Variants in CDH12 observed in about 807,000 individuals in gnomAD.
CDH12 encodes the protein cadherin-12.
A neutral mutation model predicts 74.1 loss-of-function variants in CDH12; 41 were observed. The observed-to-expected ratio is 0.55, with a 90% confidence interval of 0.43 to 0.72. The LOEUF is 0.72. Among genes scored for constraint, CDH12 ranks in the 30% least tolerant of loss-of-function variants. The probability of loss-of-function intolerance (pLI) is 0.00; values close to 1 mark genes in which losing one functional copy is unlikely to be tolerated. For missense variants in CDH12, 945 were observed against 977.2 expected (o/e 0.97, Z 0.44); for synonymous variants, 399 against 355.0 (o/e 1.12, Z -1.39).
chr5:22,226,107 C>A (rs1024526824), intron 3 of CDH12, among the ~76,000 whole-genome samples: 15 of 151,510 alleles, frequency 9.9e-5, no homozygotes, highest in African/African-American at 3.4e-4. Context: ...TGTAGAAGTT[C>A]AAGAGTTTTC....
At chr5:22,063,545 T>G (rs1210559699) in intron 5 of CDH12, among the ~76,000 whole-genome samples, 1 of 152,130 alleles carries the variant, frequency 6.6e-6, no homozygotes, top group East Asian at 1.9e-4. Context: ...TGAGTCTTAA[T>G]AGTAAACCAG....
chr5:21,883,343 T>G lies in CDH12; in HGVS notation c.527-28553A>C, dbSNP rs1430879832. On this transcript the variant is annotated intron_variant, in intron 6 of 14. Transcript: ENST00000382254. Reference sequence around the variant, plus strand: ...ATGTTCTGTTGAGTGAAAAGAAAATTTCTAGTGTCCAGTCCATTGTACCTG... The same window carrying G: ...ATGTTCTGTTGAGTGAAAAGAAAATGTCTAGTGTCCAGTCCATTGTACCTG... 3.3e-6 allele frequency: 5 copies of G among 1,532,010 alleles called. No homozygotes were observed. In the African/African-American group the frequency reaches 5.5e-5, roughly 17 times the overall value. The allele number at this position is 1,532,010 out of a possible 1,614,324, so 94.9% of individuals were successfully genotyped here. A position where few individuals can be genotyped will look rare whatever the true frequency, so the allele number is the denominator to read the frequency against.
At chr5:22,517,842 A>G (rs1736871599) in intron 1 of CDH12, among the ~76,000 whole-genome samples, 1 of 152,136 alleles carries the variant, frequency 6.6e-6, no homozygotes, top group South Asian at 2.1e-4. Context: ...AGGCAAATAT[A>G]TATTTTTTCC....
chr5:22,033,547 C>T lies in CDH12; in HGVS notation c.231+44899G>A, dbSNP rs138580884. 5.6e-3 allele frequency among the ~76,000 whole-genome samples: 852 copies of T among 152,186 alleles called. 4 individuals carry two copies. Among genetic ancestry groups the T allele is most frequent in the South Asian group, 0.012 (59 of 4,820 alleles). ...GTCTATAAACACCAATTTGAATCTG[C>T]CCTGAATGGAAATATCTAATATGAC... is the stretch of plus-strand genomic sequence containing the variant. On this transcript the variant is annotated intron_variant, in intron 5 of 14. Transcript: ENST00000382254.
At chr5:22,695,217 A>G (rs1286439303) in intron 1 of CDH12, among the ~76,000 whole-genome samples, 4 of 152,078 alleles carry the variant, frequency 2.6e-5, no homozygotes, top group Non-Finnish European at 5.9e-5. Context: ...TATGTGCCAC[A>G]TTTATTTATT....
At chr5:22,426,069 TC>T (rs1465353974) in intron 2 of CDH12, among the ~76,000 whole-genome samples, 1 of 151,680 alleles carries the variant, frequency 6.6e-6, no homozygotes, top group Non-Finnish European at 1.5e-5. Context: ...CGCCTGTAGT[TC>T]CAGCTACTCA....
chr5:21,876,609 T>C (rs1331734349), intron 6 of CDH12, among the ~76,000 whole-genome samples: 1 of 152,222 alleles, frequency 6.6e-6, no homozygotes, highest in Non-Finnish European at 1.5e-5. Flanking sequence ...TTATTTGAAA[T>C]GTTTACTATT....
At chr5:22,310,066 G>A (rs917340323) in intron 3 of CDH12, among the ~76,000 whole-genome samples, 2 of 151,910 alleles carry the variant, frequency 1.3e-5, no homozygotes, top group African/African-American at 4.8e-5. Context: ...AGGTCGATGG[G>A]TGCAGCAAGC....
At chr5:22,707,772 A>G (rs911157776) in intron 1 of CDH12, among the ~76,000 whole-genome samples, 1 of 152,134 alleles carries the variant, frequency 6.6e-6, no homozygotes, top group Non-Finnish European at 1.5e-5. Flanking sequence ...TGAATTTTAC[A>G]TTTTGTGCTA....
intron 2 of CDH12, among the ~76,000 whole-genome samples, chr5:22,424,022 A>AAG (rs1447252576): frequency 2.0e-5 from 3 of 149,456 alleles, no homozygotes; most frequent in African/African-American, 7.4e-5. Context: ...AAAAAAAAAA[A>AAG]AAAAAGAAAA....
chr5:22,679,452 T>G (rs543222529), intron 1 of CDH12, among the ~76,000 whole-genome samples: 1 of 152,156 alleles, frequency 6.6e-6, no homozygotes, highest in South Asian at 2.1e-4. Context: ...ATTTGTCTTT[T>G]CCAAAAATTT....
chr5:22,742,298 C>T, intron 1 of CDH12, among the ~76,000 whole-genome samples: 1 of 152,172 alleles, frequency 6.6e-6, no homozygotes, highest in East Asian at 1.9e-4. Context: ...GGTTTATTGT[C>T]ACTGCAATCA....
intron 1 of CDH12, among the ~76,000 whole-genome samples, chr5:22,637,475 T>C (rs1424166099): frequency 6.6e-6 from 1 of 152,192 alleles, no homozygotes; most frequent in Non-Finnish European, 1.5e-5. Context: ...TAAAACATTT[T>C]CTCTAACAAG....
intron 1 of CDH12, among the ~76,000 whole-genome samples, chr5:22,535,188 G>GCT (rs2126710363): frequency 1.0e-5 from 1 of 99,326 alleles, no homozygotes; most frequent in African/African-American, 4.0e-5. Flanking sequence ...ACGGGGTCTT[G>GCT]CTGTCGCCCA....
chr5:22,029,008 G>C (rs1220023313), intron 5 of CDH12, among the ~76,000 whole-genome samples: 2 of 152,094 alleles, frequency 1.3e-5, no homozygotes, highest in Non-Finnish European at 2.9e-5. Flanking sequence ...ACAAGCAATG[G>C]GGAAAGGATT....
chr5:22,508,143 T>C (rs1736461243), intron 1 of CDH12, among the ~76,000 whole-genome samples: 2 of 152,168 alleles, frequency 1.3e-5, no homozygotes, highest in Non-Finnish European at 2.9e-5. Context: ...AGGTTAACAT[T>C]CAAAGGTTCT....
chr5:22,309,438 G>A (rs139779230), intron 3 of CDH12, among the ~76,000 whole-genome samples: 5 of 152,206 alleles, frequency 3.3e-5, no homozygotes, highest in Non-Finnish European at 4.4e-5. Flanking sequence ...TAAGCTACCA[G>A]AGGTTAATCA....
At chr5:22,045,601 C>T (rs1172204669) in intron 5 of CDH12, among the ~76,000 whole-genome samples, 1 of 90,936 alleles carries the variant, frequency 1.1e-5, no homozygotes, top group Non-Finnish European at 2.1e-5. Flanking sequence ...CACTATTCAG[C>T]CAAAAAAAAA....
At chr5:22,100,058 T>C (rs563474945) in intron 4 of CDH12, among the ~76,000 whole-genome samples, 1 of 152,240 alleles carries the variant, frequency 6.6e-6, no homozygotes, top group South Asian at 2.1e-4. Flanking sequence ...TATCTCTCCA[T>C]ACCATCCCCC....
Sources: gnomAD v4.1 joint callset for allele counts (sites outside exome capture counted in the v4.1 genomes callset) on GRCh38, gnomAD v4.1.1 for gene constraint, MANE v1.5 for transcripts, NCBI Gene and HGNC (gene_info 2026-07-23, HGNC 2026-07-21) for gene names.